FXYD2: variants seen among roughly 807,000 people sequenced by gnomAD.
FXYD2 encodes the protein sodium/potassium-transporting ATPase subunit gamma.
In FXYD2, 8 loss-of-function variants were observed where a neutral mutation model predicts 11.8. The ratio of observed to expected loss-of-function variants is 0.68; its 90% CI spans 0.40 to 1.22. FXYD2 has a LOEUF of 1.22. FXYD2 is among the 50% of genes most tolerant of loss of function. The pLI, the probability that FXYD2 is intolerant of heterozygous loss-of-function variation, is 0.01. For synonymous variants in FXYD2, 42 were observed against 33.3 expected (o/e 1.26, Z -0.90); for missense variants, 92 against 91.8 (o/e 1.00, Z -0.01).
Position 117,824,346 on chromosome 11 carries a change from C to T in FXYD2, c.25+308G>A, listed in dbSNP as rs554562947. ...CGTCTGCCTCCCGCCCAAGTTCAGA[C>T]GGTCTAGCAAGATGCATTGAACTCA... On this transcript the variant is annotated intron_variant, in intron 1 of 5. Transcript: ENST00000292079. The surrounding 1 kb of genome is among the most constrained non-coding windows in gnomAD (Gnocchi z 4.0). 1,656 of 504,864 alleles carry T rather than the reference C, an allele frequency of 3.3e-3. 10 individuals carry two copies. Among genetic ancestry groups the T allele is most frequent in the Middle Eastern group, 3.8e-3 (7 of 1,858 alleles). The allele number at this position is 504,864 out of a possible 1,614,324, so 31.3% of individuals were successfully genotyped here.
intron 3 of FXYD2, chr11:117,821,406 A>AAGTC (rs1053087454): frequency 1.6e-4 from 160 of 986,470 alleles, no homozygotes; most frequent in East Asian, 3.4e-4. Context: ...TTAAGAACCT[A>AAGTC]AGTCAGTCAG....
At chr11:117,823,449 C>G (rs2055960654) in intron 1 of FXYD2, among the ~76,000 whole-genome samples, 1 of 152,212 alleles carries the variant, frequency 6.6e-6, no homozygotes, top group Non-Finnish European at 1.5e-5. Flanking sequence ...TGTTTGAACC[C>G]AGGAAGCAGG....
upstream of FXYD2, among the ~76,000 whole-genome samples, chr11:117,826,275 G>A (rs1294338763): frequency 2.0e-5 from 3 of 152,160 alleles, no homozygotes; most frequent in Non-Finnish European, 2.9e-5. Flanking sequence ...CAGATCAGGC[G>A]CTGCAATACC....
At position 117,822,198 on chromosome 11, in the gene FXYD2, A is replaced by T. The variant is rs1001652061; in HGVS notation, c.139+208T>A. Reference sequence around the variant, plus strand: ...CTGCGGCTCCTCCCGGGCCCACTGGAGGGTGCACTTGAGCAAGCAGGAACC... The same window carrying T: ...CTGCGGCTCCTCCCGGGCCCACTGGTGGGTGCACTTGAGCAAGCAGGAACC... On this transcript the variant is annotated intron_variant, in intron 3 of 5. Transcript: ENST00000292079. This position sits in a 1 kb window ranked among gnomAD's most constrained non-coding sequence, Gnocchi z 4.7. 1 of 1,456,520 alleles carries T rather than the reference A, an allele frequency of 6.9e-7. No individual in the cohort carries two copies. The highest frequency in any genetic ancestry group is 2.3e-5 in the Admixed American group (1 of 44,056). 90.2% of individuals were successfully genotyped at this position (1,456,520 alleles called of 1,614,324 possible).
rs1207944925 is a variant in FXYD2 at position 117,820,292 on chromosome 11, A to G, written c.*87T>C. The G allele has an allele frequency of 1.3e-5, 4 of 305,788 alleles. No individual in the cohort carries two copies. Among genetic ancestry groups the G allele is most frequent in the Non-Finnish European group, 6.1e-6 (1 of 165,078 alleles). The allele number at this position is 305,788 out of a possible 1,614,324, so 18.9% of individuals were successfully genotyped here. ...TGACGGGGACAAAGGTCTAAAGCCC[A>G]GGGAAGAAGGGGAGGCGCCAGAGGC... On this transcript the variant is annotated 3_prime_UTR_variant, in exon 6 of 6. Transcript: ENST00000292079.
At chr11:117,826,225 G>T (rs1266819953), upstream of FXYD2, among the ~76,000 whole-genome samples, 1 of 152,212 alleles carries the variant, frequency 6.6e-6, no homozygotes, top group Non-Finnish European at 1.5e-5. Flanking sequence ...CAATGAAAAT[G>T]GGCACGAATG....
intron 3 of FXYD2, chr11:117,821,377 A>G: frequency 1.0e-6 from 1 of 988,504 alleles, no homozygotes; most frequent in Non-Finnish European, 1.2e-6. Context: ...CTCTTTATAT[A>G]AGGCTGGACC....
rs757376396 is a variant in FXYD2 at position 117,822,888 on chromosome 11, C to T, written c.26-171G>A. Among the ~76,000 whole-genome samples, 1 of 152,126 alleles carries T rather than the reference C, an allele frequency of 6.6e-6. No homozygotes were observed. Among genetic ancestry groups the T allele is most frequent in the Non-Finnish European group, 1.5e-5 (1 of 68,030 alleles). On this transcript the variant is annotated intron_variant, in intron 1 of 5. Transcript: ENST00000292079. The surrounding 1 kb of genome is among the most constrained non-coding windows in gnomAD (Gnocchi z 4.7). ...AAACCATTGCCAGCAGGCTTCTGCT[C>T]CAGGCGGCTTCAGACACGCTCAACT...
Position 117,822,697 on chromosome 11 carries a change from C to T in FXYD2, c.46G>A (p.Val16Met), listed in dbSNP as rs2055937843. The T allele has an allele frequency of 7.5e-6, 12 of 1,610,502 alleles. No homozygotes were observed. The highest frequency in any genetic ancestry group is 2.2e-5 in the East Asian group (1 of 44,754). Residue 16 changes from valine (V) to methionine (M), a missense_variant, in exon 2 of 6, where the codon GTG (valine) becomes ATG (methionine). Transcript: ENST00000292079. This position sits in a 1 kb window ranked among gnomAD's most constrained non-coding sequence, Gnocchi z 4.7. ...GGCTTACCATAGTAGAACGGGTCCA[C>T]GTCCCCCTTGGGGCTGCCGCCTAGG... ...MDGGGSPKGD[V>M]DPFYYDYETV...
chr11:117,827,124 ATAG>A (rs1383748622), upstream of FXYD2, among the ~76,000 whole-genome samples: 146 of 144,926 alleles, frequency 1.0e-3, no homozygotes, highest in Admixed American at 1.9e-3. Flanking sequence ...AGATAGATAG[ATAG>A]ATAGATAGAT....
At chr11:117,820,959 C>A (rs2055887618) in intron 3 of FXYD2, 64 bp from the exon 4 acceptor site, 2 of 1,611,288 alleles carry the variant, frequency 1.2e-6, no homozygotes, top group Non-Finnish European at 1.7e-6. Flanking sequence ...CTGGAAGACT[C>A]AAAATTCTTC....
intron 1 of FXYD2, among the ~76,000 whole-genome samples, chr11:117,823,041 C>T (rs2055948012): frequency 6.6e-6 from 1 of 152,146 alleles, no homozygotes. Context: ...GAAGCCTCTC[C>T]CATTAGACTC....
rs993121034 is a variant in FXYD2 at position 117,824,413 on chromosome 11, C to A, written c.25+241G>T. On this transcript the variant is annotated intron_variant, in intron 1 of 5. Coordinates refer to ENST00000292079, the MANE Select transcript of FXYD2 (RefSeq NM_001680.5). The surrounding 1 kb of genome is among the most constrained non-coding windows in gnomAD (Gnocchi z 4.0). ...GGAGGCCGAGGAGGAACGCTCAGCTCTCCAGCTTCTATCTGCTGCCTTTCT... is the reference window on the plus strand; with the variant it reads ...GGAGGCCGAGGAGGAACGCTCAGCTATCCAGCTTCTATCTGCTGCCTTTCT... 1 of 616,256 alleles carries A rather than the reference C, an allele frequency of 1.6e-6. No individual in the cohort carries two copies. The highest frequency in any genetic ancestry group is 2.9e-6 in the Non-Finnish European group (1 of 341,786). 38.2% of individuals were successfully genotyped at this position (616,256 alleles called of 1,614,324 possible). A position where few individuals can be genotyped will look rare whatever the true frequency, so the allele number is the denominator to read the frequency against.
At chr11:117,827,881 C>T, upstream of FXYD2, 1 of 782,438 alleles carries the variant, frequency 1.3e-6, no homozygotes, top group Non-Finnish European at 2.3e-6. Context: ...TGCCTCTCTT[C>T]CTTTCTGCTT....
upstream of FXYD2, among the ~76,000 whole-genome samples, chr11:117,826,769 T>TGTCTGTCC (rs2056043243): frequency 8.6e-6 from 1 of 115,776 alleles, no homozygotes; most frequent in Non-Finnish European, 1.8e-5. Flanking sequence ...TCTGTCTGTC[T>TGTCTGTCC]GTCTGTCTGT....
Position 117,822,082 on chromosome 11 carries a change from A to T in FXYD2, c.139+324T>A. On this transcript the variant is annotated intron_variant, in intron 3 of 5. Coordinates refer to ENST00000292079, the MANE Select transcript of FXYD2 (RefSeq NM_001680.5). This position sits in a 1 kb window ranked among gnomAD's most constrained non-coding sequence, Gnocchi z 4.7. ...AGGTGGGATCATCCCTATTTAACAA[A>T]TGAGTTTGGGACCATGGTTAGCAGC... 1 of 1,294,452 alleles carries T rather than the reference A, an allele frequency of 7.7e-7. No individual in the cohort carries two copies. Among genetic ancestry groups the T allele is most frequent in the South Asian group, 1.6e-5 (1 of 63,340 alleles). The allele number at this position is 1,294,452 out of a possible 1,614,324, so 80.2% of individuals were successfully genotyped here. A position where few individuals can be genotyped will look rare whatever the true frequency, so the allele number is the denominator to read the frequency against.
Position 117,822,705 on chromosome 11 carries a change from T to G in FXYD2, c.38A>C (p.Lys13Thr). The change falls in exon 2 of 6, where the codon AAG becomes ACG. Residue 13 changes from lysine to threonine, a missense_variant. Lys to Thr is a moderately conservative substitution (Grantham distance 78, BLOSUM62 -1). Coordinates refer to ENST00000292079, the MANE Select transcript of FXYD2 (RefSeq NM_001680.5). The surrounding 1 kb of genome is among the most constrained non-coding windows in gnomAD (Gnocchi z 4.7). ...ATAGTAGAACGGGTCCACGTCCCCC[T>G]TGGGGCTGCCGCCTAGGAGAGAGCC... is the stretch of plus-strand genomic sequence containing the variant. ...GLSMDGGGSP[K>T]GDVDPFYYDY... The G allele has an allele frequency of 6.2e-7, 1 of 1,610,326 alleles. No individual in the cohort carries two copies. Among genetic ancestry groups the G allele is most frequent in the Non-Finnish European group, 8.5e-7 (1 of 1,179,148 alleles).
chr11:117,826,778 G>GTCTGTCTATCTA (rs1344802450), upstream of FXYD2, among the ~76,000 whole-genome samples: 35 of 125,876 alleles, frequency 2.8e-4, no homozygotes, highest in East Asian at 2.6e-3. Flanking sequence ...CTGTCTGTCT[G>GTCTGTCTATCTA]TCTATCTATC....
In FXYD2 at chr11:117,820,840, C is replaced by T; in HGVS notation, c.176+19G>A. The stretch of plus-strand genomic sequence containing the variant: ...CTCCAGCCCCAACCCCCTCATCGGT[C>T]ACCCCAGGCAGCGCTCACCTGCGCT... On this transcript the variant is annotated intron_variant, in intron 4 of 5. Transcript: ENST00000292079. 6.2e-7 allele frequency: 1 copy of T among 1,613,236 alleles called. No homozygotes were observed. Among genetic ancestry groups the T allele is most frequent in the Non-Finnish European group, 8.5e-7 (1 of 1,179,686 alleles).
Sources: gnomAD v4.1 joint callset for allele counts (sites outside exome capture counted in the v4.1 genomes callset) on GRCh38, gnomAD v4.1.1 for gene constraint, Gnocchi (gnomAD v3.1) non-coding constraint, MANE v1.5 for transcripts, NCBI Gene and HGNC (gene_info 2026-07-23, HGNC 2026-07-21) for gene names.